The following HSPA12A variants were observed in gnomAD, a reference collection of about 807,000 sequenced individuals.
HSPA12A encodes heat shock protein family A (Hsp70) member 12A.
A neutral mutation model predicts 69.2 loss-of-function variants in HSPA12A; 28 were observed. The ratio of observed to expected loss-of-function variants is 0.40; its 90% CI spans 0.30 to 0.55. The LOEUF (loss-of-function observed/expected upper bound fraction) is 0.55, where lower values mean the gene tolerates loss of function less well. Among genes scored for constraint, HSPA12A ranks in the 20% least tolerant of loss-of-function variants. The pLI, the probability that HSPA12A is intolerant of heterozygous loss-of-function variation, is 0.38. For synonymous variants in HSPA12A, 345 were observed against 370.5 expected, an observed-to-expected ratio of 0.93 and a Z score of 0.79; for missense variants, 686 against 900.7, an observed-to-expected ratio of 0.76 and a Z score of 3.05.
chr10:116,707,152 CG>C, intron 2 of HSPA12A, 47 bp downstream of exon 2: 1 of 252,740 alleles, frequency 4.0e-6, no homozygotes, highest in Non-Finnish European at 5.4e-6. Flanking sequence ...CACCCATGCG[CG>C]CACACACACA....
chr10:116,691,674 G>T (rs1849742649), intron 6 of HSPA12A, among the ~76,000 whole-genome samples: 1 of 152,194 alleles, frequency 6.6e-6, no homozygotes, highest in South Asian at 2.1e-4. Flanking sequence ...CGCCATTCCT[G>T]CCTGGAAGCC....
chr10:116,724,147 T>C (rs546678021), intron 1 of HSPA12A, among the ~76,000 whole-genome samples: 2 of 152,230 alleles, frequency 1.3e-5, no homozygotes, highest in South Asian at 4.2e-4. Flanking sequence ...ATCTTGAAAG[T>C]GGCTTTCTTG....
chr10:116,707,168 C>T (rs782807521), intron 2 of HSPA12A, 32 bp downstream of exon 2: 2 of 1,500,842 alleles, frequency 1.3e-6, no homozygotes, highest in East Asian at 2.3e-5. Context: ...CACACACACA[C>T]ACACACACAC....
At chr10:116,823,751 T>C (rs1003939842) in intron 2 of HSPA12A, among the ~76,000 whole-genome samples, 4 of 152,132 alleles carry the variant, frequency 2.6e-5, no homozygotes, top group Non-Finnish European at 4.4e-5. Context: ...GAATTCTAAA[T>C]GCACAAAAAG....
At chr10:116,687,754 G>A (rs1305907414) in intron 6 of HSPA12A, among the ~76,000 whole-genome samples, 1 of 152,186 alleles carries the variant, frequency 6.6e-6, no homozygotes, top group East Asian at 1.9e-4. Context: ...TGCAACCACA[G>A]AACACTCTCC....
rs1397293034 is a variant in HSPA12A at position 116,726,026 on chromosome 10, C to CGCGT, written c.40+16403_40+16404insACGC. 5.7e-4 allele frequency among the ~76,000 whole-genome samples: 44 copies of CGCGT among 77,142 alleles called. 1 individual carries two copies. The highest frequency in any genetic ancestry group is 2.7e-3 in the African/African-American group (43 of 15,922). 50.6% of individuals were successfully genotyped at this position (77,142 alleles called of 152,430 possible). On this transcript the variant is annotated intron_variant, in intron 1 of 11. Coordinates refer to ENST00000369209, the MANE Select transcript of HSPA12A (RefSeq NM_025015.3). ...TACAAGGTTTAGACACACACACACA[C>CGCGT]GCACACACACACACACACACACACA...
intron 1 of HSPA12A, among the ~76,000 whole-genome samples, chr10:116,716,929 G>A (rs572976987): frequency 2.6e-5 from 4 of 152,142 alleles, no homozygotes; most frequent in African/African-American, 9.6e-5. Context: ...ATATTCATGC[G>A]TTTTTTTGTT....
intron 1 of HSPA12A, among the ~76,000 whole-genome samples, chr10:116,722,942 A>C (rs1420275197): frequency 3.9e-5 from 6 of 152,042 alleles, no homozygotes; most frequent in Admixed American, 3.9e-4. Flanking sequence ...CGGGAGGGCA[A>C]GTTTGCTGAA....
intron 2 of HSPA12A, among the ~76,000 whole-genome samples, chr10:116,813,646 A>C (rs1845240998): frequency 6.6e-6 from 1 of 152,144 alleles, no homozygotes; most frequent in South Asian, 2.1e-4. Flanking sequence ...TGGGAGGCCA[A>C]GGCGGGAGGA....
intron 5 of HSPA12A, among the ~76,000 whole-genome samples, chr10:116,695,023 G>A (rs1166309364): frequency 6.6e-6 from 1 of 151,602 alleles, no homozygotes; most frequent in Non-Finnish European, 1.5e-5. Context: ...TCCCCTTACT[G>A]GTGGAATACT....
chr10:116,697,797 C>G (rs747741031), intron 5 of HSPA12A, among the ~76,000 whole-genome samples: 4 of 152,174 alleles, frequency 2.6e-5, no homozygotes, highest in Non-Finnish European at 5.9e-5. Flanking sequence ...TTCATCACTC[C>G]TCAAAGAAAC....
chr10:116,808,265 G>A (rs1845106591), intron 2 of HSPA12A, among the ~76,000 whole-genome samples: 1 of 133,618 alleles, frequency 7.5e-6, no homozygotes. Context: ...GAGAACAGAT[G>A]TCTCAGTTGC....
At chr10:116,826,648 T>A (rs539402819) in intron 2 of HSPA12A, among the ~76,000 whole-genome samples, 20 of 152,282 alleles carry the variant, frequency 1.3e-4, no homozygotes, top group African/African-American at 4.8e-4. Context: ...AAAAAGCAGA[T>A]AAATAATCAA....
upstream of HSPA12A, chr10:116,850,080 T>G (rs975871034): frequency 1.4e-5 from 6 of 443,580 alleles, no homozygotes; most frequent in Non-Finnish European, 2.5e-5. Context: ...ATTGTCATTT[T>G]TAACACATAC....
chr10:116,713,538 C>T (rs1412494550), intron 1 of HSPA12A, among the ~76,000 whole-genome samples: 1 of 152,184 alleles, frequency 6.6e-6, no homozygotes, highest in Non-Finnish European at 1.5e-5. Flanking sequence ...TGTTACCCCT[C>T]CTACCTCCCT....
intron 2 of HSPA12A, among the ~76,000 whole-genome samples, chr10:116,810,846 G>A (rs757484718): frequency 2.6e-5 from 4 of 152,104 alleles, no homozygotes; most frequent in Non-Finnish European, 4.4e-5. Context: ...TGAGACCCAC[G>A]GTAATTTAGC....
intron 2 of HSPA12A, among the ~76,000 whole-genome samples, chr10:116,803,972 T>G (rs1637554): frequency 2.0e-5 from 3 of 152,128 alleles, no homozygotes; most frequent in African/African-American, 7.2e-5. Context: ...AGATTCAAAC[T>G]CCTAAGTACA....
At chr10:116,849,829 C>A (rs1035571639), upstream of HSPA12A, 133 of 1,343,654 alleles carry the variant, frequency 9.9e-5, no homozygotes, top group Admixed American at 2.0e-4. Flanking sequence ...CTCAGAATCT[C>A]GCATGCCAGC....
rs181682183 is a variant in HSPA12A at position 116,771,426 on chromosome 10, G to A, written c.91+63509C>T. 4.6e-5 allele frequency among the ~76,000 whole-genome samples: 7 copies of A among 152,348 alleles called. No homozygotes were observed. In the East Asian group the frequency reaches 1.4e-3, roughly 29 times the overall value. On this transcript the variant is annotated intron_variant, in intron 2 of 12. Transcript: ENST00000635765. The stretch of plus-strand genomic sequence containing the variant: ...CACCAGCAAAGCCAGTGACAGGCCT[G>A]GGTGAAGGGTCACCCTCCTCCGGGA...
Sources: gnomAD v4.1 joint callset for allele counts (sites outside exome capture counted in the v4.1 genomes callset) on GRCh38, gnomAD v4.1.1 for gene constraint, MANE v1.5 for transcripts, NCBI Gene and HGNC (gene_info 2026-07-23, HGNC 2026-07-21) for gene names.